Variants in RPL15 observed in about 807,000 individuals in gnomAD.
The protein encoded by RPL15 is ribosomal protein L15, also known as large ribosomal subunit protein eL15.
For missense variants in RPL15, 161 were observed against 271.8 expected (o/e 0.59, Z 2.87); for synonymous variants, 97 against 95.1 (o/e 1.02, Z -0.12).
intron 3 of RPL15, 75 bp downstream of exon 3, chr3:23,918,651 T>C (rs1179412107): frequency 6.5e-7 from 1 of 1,529,344 alleles, no homozygotes; most frequent in East Asian, 2.3e-5. Flanking sequence ...GCAACTTTTC[T>C]GATTGTACTT....
intron 1 of RPL15, chr3:23,917,603 C>G (rs1704704633): frequency 2.3e-6 from 1 of 440,570 alleles, no homozygotes; most frequent in South Asian, 3.0e-5. Flanking sequence ...GTGCTCAGTT[C>G]TGGTTCTGTT....
At position 23,920,540 on chromosome 3, in the gene RPL15, GAGACT is replaced by G. The variant is rs1352431452; in HGVS notation, c.*1046_*1050del. 2.0e-6 allele frequency: 2 copies of G among 985,182 alleles called. No individual in the cohort carries two copies. The highest frequency in any genetic ancestry group is 3.5e-5 in the African/African-American group (2 of 57,194). The allele number at this position is 985,182 out of a possible 1,614,324, so 61.0% of individuals were successfully genotyped here. A position where few individuals can be genotyped will look rare whatever the true frequency, so the allele number is the denominator to read the frequency against. ...TTTCTGTTTGCACCATGTCTTCCAG[GAGACT>G]AGACTACTGTTGTCCAGGGTCAATT... On this transcript the variant is annotated 3_prime_UTR_variant, in exon 4 of 4. Transcript: ENST00000307839.
At position 23,919,451 on chromosome 3, in the gene RPL15, C is replaced by G; in HGVS notation, c.565C>G (p.Arg189Gly). The stretch of plus-strand genomic sequence containing the variant: ...CCACCACACTATTGGTGGCTCTCGC[C>G]GGGCAGCTTGGAGAAGGCGCAATAC... ...KFHHTIGGSRRAAWRRRNTLQ... is the reference protein window; with the variant it reads ...KFHHTIGGSRGAAWRRRNTLQ... The change falls in exon 4 of 4, where the codon CGG becomes GGG. Residue 189 changes from arginine (R) to glycine (G), a missense_variant. Arg to Gly is a moderately radical substitution (Grantham distance 125, BLOSUM62 -2). Transcript: ENST00000307839. 6.2e-7 allele frequency: 1 copy of G among 1,603,904 alleles called. No homozygotes were observed. The highest frequency in any genetic ancestry group is 8.5e-7 in the Non-Finnish European group (1 of 1,179,596).
upstream of RPL15, chr3:23,916,569 G>C (rs1704485197): frequency 6.6e-6 from 1 of 152,308 alleles, no homozygotes; most frequent in African/African-American, 2.4e-5. Flanking sequence ...GCAGTCTGGA[G>C]CTGAAGGGAC....
chr3:23,921,574 T>TTG, downstream of RPL15: 1 of 519,480 alleles, frequency 1.9e-6, no homozygotes, highest in Non-Finnish European at 3.5e-6. Context: ...TATTGAGTTT[T>TTG]TTTTTTTTTT....
At chr3:23,922,535 G>C, downstream of RPL15, 1 of 151,956 alleles carries the variant, frequency 6.6e-6, no homozygotes, top group Non-Finnish European at 1.5e-5. This position sits in a 1 kb window ranked among gnomAD's most constrained non-coding sequence, Gnocchi z 4.2. Context: ...CTACAGGCAC[G>C]CACCACCACA....
At chr3:23,917,820 T>C (rs374895871) in intron 1 of RPL15, 30 bp from the exon 2 acceptor site, 42 of 1,576,328 alleles carry the variant, frequency 2.7e-5, no homozygotes, top group Non-Finnish European at 3.3e-5. Flanking sequence ...TTAAAGCGGA[T>C]GATATTTAAT....
At chr3:23,921,287 C>A (rs1360327460), downstream of RPL15, among the ~76,000 whole-genome samples, 1 of 152,198 alleles carries the variant, frequency 6.6e-6, no homozygotes, top group African/African-American at 2.4e-5. Flanking sequence ...TTAAATTGAT[C>A]ATGGCACTCC....
At chr3:23,917,335 C>T (rs1425386769) in intron 1 of RPL15, 162 bp downstream of exon 1, 1 of 153,114 alleles carries the variant, frequency 6.5e-6, no homozygotes, top group African/African-American at 2.4e-5. Context: ...GAGGCGGCCC[C>T]CGGGGCGGGT....
At chr3:23,918,182 A>C in intron 2 of RPL15, 151 bp downstream of exon 2, 1 of 1,052,798 alleles carries the variant, frequency 9.5e-7, no homozygotes, top group Non-Finnish European at 1.4e-6. Flanking sequence ...TACTGTATGC[A>C]CTGTTGTCTA....
chr3:23,921,461 T>C (rs566545630), downstream of RPL15: 1 of 620,596 alleles, frequency 1.6e-6, no homozygotes, highest in African/African-American at 1.9e-5. Flanking sequence ...TTTACTCCAA[T>C]ATTAAGGGTC....
chr3:23,921,471 C>G (rs1705076443), downstream of RPL15: 2 of 626,314 alleles, frequency 3.2e-6, no homozygotes, highest in Non-Finnish European at 5.6e-6. Context: ...TATTAAGGGT[C>G]ACTTTATTAG....
rs780453851 is a variant in RPL15, at chr3:23,920,366, A to G, written c.*865A>G. The G allele has an allele frequency of 8.4e-5, 83 of 985,356 alleles. No individual in the cohort carries two copies. The highest frequency in any genetic ancestry group is 9.6e-5 in the Non-Finnish European group (80 of 829,890). 61.0% of individuals were successfully genotyped at this position (985,356 alleles called of 1,614,324 possible). On this transcript the variant is annotated 3_prime_UTR_variant, in exon 4 of 4. Transcript: ENST00000307839. The stretch of plus-strand genomic sequence containing the variant: ...GTCCACTCCCATAGGCTACAGAAAA[A>G]GTCACAAGCGCATGGTTTCCAACCA...
chr3:23,918,973 G>C (rs111878423), intron 3 of RPL15: 329 of 586,916 alleles, frequency 5.6e-4, no homozygotes, highest in Middle Eastern at 3.4e-3. Flanking sequence ...CAGGAATGGA[G>C]TATTAAGAGG....
chr3:23,920,845 A>G lies in RPL15; in HGVS notation c.*1344A>G. 1.0e-5 allele frequency: 9 copies of G among 884,618 alleles called. No homozygotes were observed. Among genetic ancestry groups the G allele is most frequent in the Non-Finnish European group, 1.2e-5 (9 of 738,026 alleles). The allele number at this position is 884,618 out of a possible 1,614,324, so 54.8% of individuals were successfully genotyped here. ...GAATAAATGTCTATTAAACTAAAAC[A>G]AATGGACCTTCTGTTATTTTTTGTC... is the stretch of plus-strand genomic sequence containing the variant. On this transcript the variant is annotated 3_prime_UTR_variant, in exon 4 of 4. Coordinates refer to ENST00000307839, the MANE Select transcript of RPL15 (RefSeq NM_002948.5).
upstream of RPL15, chr3:23,916,763 C>G (rs1704566120): frequency 6.5e-6 from 1 of 152,698 alleles, no homozygotes; most frequent in East Asian, 1.9e-4. Context: ...AGGGGGAGAG[C>G]CCGCGGTGCG....
chr3:23,924,042 T>C (rs1440152955), downstream of RPL15: 1 of 152,146 alleles, frequency 6.6e-6, no homozygotes, highest in Non-Finnish European at 1.5e-5. Flanking sequence ...AAAACAACAG[T>C]TGGTATGCCT....
In RPL15 at chr3:23,920,554, G is replaced by C; in HGVS notation, c.*1053G>C. On this transcript the variant is annotated 3_prime_UTR_variant, in exon 4 of 4. Transcript: ENST00000307839. ...ATGTCTTCCAGGAGACTAGACTACT[G>C]TTGTCCAGGGTCAATTTGAGTGTAA... 1.0e-6 allele frequency: 1 copy of C among 985,332 alleles called. No individual in the cohort carries two copies. Among genetic ancestry groups the C allele is most frequent in the Non-Finnish European group, 1.2e-6 (1 of 829,856 alleles). The allele number at this position is 985,332 out of a possible 1,614,324, so 61.0% of individuals were successfully genotyped here.
chr3:23,918,357 G>A (rs1575119448), intron 2 of RPL15, 83 bp from the exon 3 acceptor site: 2 of 1,451,682 alleles, frequency 1.4e-6, no homozygotes, highest in East Asian at 4.6e-5. Context: ...AGTATTTTTG[G>A]TGGAGTATTA....
Sources: allele counts gnomAD v4.1 joint callset (sites outside exome capture counted in the v4.1 genomes callset), GRCh38; gene constraint gnomAD v4.1.1; non-coding constraint Gnocchi (gnomAD v3.1); transcripts MANE v1.5; gene names NCBI Gene and HGNC (gene_info 2026-07-23, HGNC 2026-07-21).